The following ELF2 variants were observed in gnomAD, a reference collection of about 807,000 sequenced individuals.
ELF2 encodes the protein E74 like ETS transcription factor 2, also known as ETS-related transcription factor Elf-2.
A neutral mutation model predicts 54.8 loss-of-function variants in ELF2; 11 were observed. That is an observed-to-expected ratio of 0.20 (90% CI 0.13 to 0.33). The LOEUF (loss-of-function observed/expected upper bound fraction) is 0.33. Among genes scored for constraint, ELF2 ranks in the 10% least tolerant of loss-of-function variants. The pLI is 1.00. For missense variants in ELF2, 513 were observed against 703.0 expected (o/e 0.73, Z 3.06); for synonymous variants, 203 against 245.1 (o/e 0.83, Z 1.61).
chr4:139,132,292 G>C (rs928973929), intron 3 of ELF2, among the ~76,000 whole-genome samples: 1 of 152,252 alleles, frequency 6.6e-6, no homozygotes. Context: ...GGAAGAATAT[G>C]CCTCACCAGA....
chr4:139,082,920 C>G (rs546910332), intron 4 of ELF2, among the ~76,000 whole-genome samples: 1 of 152,304 alleles, frequency 6.6e-6, no homozygotes, highest in East Asian at 1.9e-4. Flanking sequence ...AAGTCCGTGC[C>G]CTTCCGCTGC....
At chr4:139,090,732 T>C (rs940187902) in intron 4 of ELF2, among the ~76,000 whole-genome samples, 1 of 152,014 alleles carries the variant, frequency 6.6e-6, no homozygotes, top group African/African-American at 2.4e-5. Context: ...GTAGCTGGGA[T>C]TACAAGCACA....
At position 139,114,804 on chromosome 4, in the gene ELF2, G is replaced by A. The variant is rs189914645; in HGVS notation, c.238+10360C>T. ...GGCAGGGGAAGAGACCCCTGGGCCA[G>A]GGGCACGAGGAGCCCTGCTCATGGC... On this transcript the variant is annotated intron_variant, in intron 4 of 9. Transcript: ENST00000686138. The A allele has an allele frequency of 4.8e-4, 733 of 1,521,594 alleles. 2 individuals are homozygous for A. The African/African-American group carries it at 8.6e-3, about 18-fold the overall frequency. 94.3% of individuals were successfully genotyped at this position (1,521,594 alleles called of 1,614,324 possible). A position where few individuals can be genotyped will look rare whatever the true frequency, so the allele number is the denominator to read the frequency against.
rs547658041 is a variant in ELF2 at position 139,156,166 on chromosome 4, C to CT, written c.-251-16670dup. 1.3e-3 allele frequency among the ~76,000 whole-genome samples: 196 copies of CT among 147,900 alleles called. 2 individuals carry two copies. Among genetic ancestry groups the CT allele is most frequent in the African/African-American group, 2.8e-3 (115 of 40,498 alleles). On this transcript the variant is annotated intron_variant, in intron 1 of 9. Transcript: ENST00000686138. ...ATGTTATTAATTTTATACATATATTCTTTTTTTTTTGGCGGGGGAGTCGTC... is the reference window on the plus strand; with the variant it reads ...ATGTTATTAATTTTATACATATATTCTTTTTTTTTTTGGCGGGGGAGTCGTC...
chr4:139,165,633 A>G (rs937542401), intron 1 of ELF2, among the ~76,000 whole-genome samples: 3 of 152,208 alleles, frequency 2.0e-5, no homozygotes, highest in African/African-American at 7.2e-5. Flanking sequence ...ACTGCACTCC[A>G]GCCTGGGCAA....
chr4:139,085,242 T>G (rs1326524706), intron 4 of ELF2, among the ~76,000 whole-genome samples: 2 of 152,224 alleles, frequency 1.3e-5, no homozygotes, highest in African/African-American at 4.8e-5. Flanking sequence ...TAACGCTTCA[T>G]TAAAATGCTT....
intron 1 of ELF2, among the ~76,000 whole-genome samples, chr4:139,159,795 G>A (rs1018762378): frequency 5.9e-5 from 9 of 152,214 alleles, no homozygotes; most frequent in Admixed American, 1.3e-4. Context: ...AAGCAGCCTT[G>A]AGAAGAGTTT....
At chr4:139,175,956 A>C (rs190943991) in intron 1 of ELF2, among the ~76,000 whole-genome samples, 1 of 152,378 alleles carries the variant, frequency 6.6e-6, no homozygotes, top group East Asian at 1.9e-4. Flanking sequence ...TCTTGGTGTC[A>C]CGGAATATTT....
chr4:139,114,728 G>GTCCCATC (rs953875531), intron 4 of ELF2, among the ~76,000 whole-genome samples: 1 of 131,784 alleles, frequency 7.6e-6, no homozygotes, highest in Admixed American at 9.4e-5. Flanking sequence ...AACACAAAAA[G>GTCCCATC]TCCCATCAGT....
rs148142256 is a variant in ELF2, at chr4:139,062,901, T to A, written c.614-844A>T. ...ATTAAGTGCAAACTACCCTCAACCC[T>A]TTAAGGATTTTCTTATCATTTTCCT... On this transcript the variant is annotated intron_variant, in intron 7 of 9. Coordinates refer to ENST00000686138, the MANE Select transcript of ELF2 (RefSeq NM_001331036.3). Among the ~76,000 whole-genome samples, 691 of 152,268 alleles carry A rather than the reference T, an allele frequency of 4.5e-3. 11 individuals carry two copies. The highest frequency in any genetic ancestry group is 0.016 in the African/African-American group (656 of 41,564).
intron 4 of ELF2, among the ~76,000 whole-genome samples, chr4:139,081,922 C>G (rs1235581754): frequency 6.6e-6 from 1 of 151,814 alleles, no homozygotes; most frequent in African/African-American, 2.4e-5. Context: ...ACATTATTAT[C>G]ATAAACTTTA....
chr4:139,092,414 T>TAACATAACATAACAAACATA lies in ELF2; in HGVS notation c.239-18848_239-18847insTATGTTTGTTATGTTATGTT, dbSNP rs70940488. 1.6e-3 allele frequency among the ~76,000 whole-genome samples: 141 copies of TAACATAACATAACAAACATA among 87,808 alleles called. 3 individuals carry two copies. The highest frequency in any genetic ancestry group is 6.8e-3 in the East Asian group (21 of 3,066). The allele number at this position is 87,808 out of a possible 152,430, so 57.6% of individuals were successfully genotyped here. On this transcript the variant is annotated intron_variant, in intron 4 of 9. Transcript: ENST00000686138. The stretch of plus-strand genomic sequence containing the variant: ...TAACATAACATAACATAACATAACA[T>TAACATAACATAACAAACATA]ACATAACATAACATAACATAACATA...
intron 3 of ELF2, among the ~76,000 whole-genome samples, chr4:139,126,377 G>GA (rs202190769): frequency 1.9e-3 from 269 of 141,614 alleles, no homozygotes; most frequent in Non-Finnish European, 2.5e-3. Flanking sequence ...AAATAGAAAG[G>GA]AAAAAAAAAA....
intron 3 of ELF2, among the ~76,000 whole-genome samples, chr4:139,132,864 AT>A (rs1370848200): frequency 0.16 from 22,744 of 140,842 alleles, 2,091 homozygotes; most frequent in Middle Eastern, 0.28. Flanking sequence ...ATATATATAT[AT>A]ATATATATAA....
intron 1 of ELF2, among the ~76,000 whole-genome samples, chr4:139,163,300 A>T (rs1481182224): frequency 6.6e-6 from 1 of 152,148 alleles, no homozygotes; most frequent in Non-Finnish European, 1.5e-5. Flanking sequence ...TCATTGAGAA[A>T]AAAGAATAAC....
chr4:139,138,221 AC>A (rs1738372576), intron 2 of ELF2, among the ~76,000 whole-genome samples: 1 of 152,152 alleles, frequency 6.6e-6, no homozygotes, highest in South Asian at 2.1e-4. Flanking sequence ...GATCGAGACC[AC>A]CCTGGCCAAC....
chr4:139,171,901 G>A (rs1742346945), intron 1 of ELF2, among the ~76,000 whole-genome samples: 1 of 152,220 alleles, frequency 6.6e-6, no homozygotes, highest in Non-Finnish European at 1.5e-5. Flanking sequence ...TCCAGCCTGG[G>A]CGACAGAGTG....
At chr4:139,124,526 T>C (rs907108290) in intron 4 of ELF2, among the ~76,000 whole-genome samples, 2 of 150,904 alleles carry the variant, frequency 1.3e-5, no homozygotes, top group Non-Finnish European at 2.9e-5. Context: ...TTTATTATTA[T>C]GTAAGAGTCA....
chr4:139,148,316 A>ATTTTTTTTTT (rs772079635), intron 1 of ELF2, among the ~76,000 whole-genome samples: 9 of 64,570 alleles, frequency 1.4e-4, no homozygotes, highest in Non-Finnish European at 1.7e-4. Flanking sequence ...TACCTGGCTA[A>ATTTTTTTTTT]TTTTTTTTTT....
Sources: allele counts gnomAD v4.1 joint callset (sites outside exome capture counted in the v4.1 genomes callset), GRCh38; gene constraint gnomAD v4.1.1; transcripts MANE v1.5; gene names NCBI Gene and HGNC (gene_info 2026-07-23, HGNC 2026-07-21).